Variants in SMNDC1 observed in about 807,000 individuals in gnomAD.
SMNDC1 encodes the protein survival motor neuron domain containing 1.
Under a neutral mutation model 29.2 loss-of-function variants are expected in SMNDC1, and 5 were observed. The ratio of observed to expected loss-of-function variants is 0.17; its 90% CI spans 0.09 to 0.36. The LOEUF (loss-of-function observed/expected upper bound fraction) is 0.36, where lower values mean the gene tolerates loss of function less well. Ranked by LOEUF, SMNDC1 falls within the 10% of genes least tolerant of loss-of-function variation. The pLI is 1.00. For synonymous variants in SMNDC1, 80 were observed against 89.9 expected, an observed-to-expected ratio of 0.89 and a Z score of 0.62; for missense variants, 142 against 268.5, an observed-to-expected ratio of 0.53 and a Z score of 3.29.
chr10:110,294,137 A>T lies in SMNDC1; in HGVS notation c.*13T>A. 1 of 1,563,086 alleles carries T rather than the reference A, an allele frequency of 6.4e-7. No homozygotes were observed. Among genetic ancestry groups the T allele is most frequent in the East Asian group, 2.4e-5 (1 of 41,768 alleles). Reference sequence around the variant, plus strand: ...TAAAGCCCTGCAGAGATGAAATCCAACAGTTTTTCTGATTATTGAGGCATC... The same window carrying T: ...TAAAGCCCTGCAGAGATGAAATCCATCAGTTTTTCTGATTATTGAGGCATC... On this transcript the variant is annotated 3_prime_UTR_variant, in exon 6 of 6. Coordinates refer to ENST00000369603, the MANE Select transcript of SMNDC1 (RefSeq NM_005871.4).
intron 2 of SMNDC1, chr10:110,300,441 A>G (rs1288322368): frequency 2.3e-5 from 12 of 518,708 alleles, no homozygotes; most frequent in Non-Finnish European, 2.2e-5. Context: ...TAACCCTCCC[A>G]ACAAACTATG....
In SMNDC1 at chr10:110,294,039, G is replaced by T. The variant is rs1457297461; in HGVS notation, c.*111C>A. 14 of 816,850 alleles carry T rather than the reference G, an allele frequency of 1.7e-5. No individual in the cohort carries two copies. The East Asian group carries it at 3.9e-4, about 22-fold the overall frequency. The allele number at this position is 816,850 out of a possible 1,614,324, so 50.6% of individuals were successfully genotyped here. A position where few individuals can be genotyped will look rare whatever the true frequency, so the allele number is the denominator to read the frequency against. ...CATTCTACTGAAGCCAACCAATGACGACAATGGTATCTTGCTTACTCATCT... is the reference window on the plus strand; with the variant it reads ...CATTCTACTGAAGCCAACCAATGACTACAATGGTATCTTGCTTACTCATCT... On this transcript the variant is annotated 3_prime_UTR_variant, in exon 6 of 6. Transcript: ENST00000369603.
intron 2 of SMNDC1, 94 bp downstream of exon 2, chr10:110,303,374 G>C (rs996333339): frequency 9.3e-7 from 1 of 1,070,994 alleles, no homozygotes. Flanking sequence ...ACATAGGGTG[G>C]GGTGTAACCC....
At chr10:110,299,664 A>T (rs1257217809) in intron 2 of SMNDC1, among the ~76,000 whole-genome samples, 1 of 152,242 alleles carries the variant, frequency 6.6e-6, no homozygotes, top group Non-Finnish European at 1.5e-5. Flanking sequence ...ATAGCTGTTC[A>T]CCCATTGTTG....
rs1317885998 is a variant in SMNDC1, at chr10:110,291,173, G to A, written c.*2977C>T. On this transcript the variant is annotated 3_prime_UTR_variant, in exon 6 of 6. Coordinates refer to ENST00000369603, the MANE Select transcript of SMNDC1 (RefSeq NM_005871.4). ...CTTTTATAGTTAACAGTTCTCAGACGGGGATGCACATCAGGATCACCTGCG... is the reference window on the plus strand; with the variant it reads ...CTTTTATAGTTAACAGTTCTCAGACAGGGATGCACATCAGGATCACCTGCG... The A allele has an allele frequency of 1.3e-5, 2 of 152,116 alleles. No individual in the cohort carries two copies. The highest frequency in any genetic ancestry group is 6.5e-5 in the Admixed American group (1 of 15,280). 9.4% of individuals were successfully genotyped at this position (152,116 alleles called of 1,614,324 possible). A position where few individuals can be genotyped will look rare whatever the true frequency, so the allele number is the denominator to read the frequency against.
intron 2 of SMNDC1, among the ~76,000 whole-genome samples, chr10:110,299,529 T>C (rs1857615554): frequency 1.3e-5 from 2 of 152,208 alleles, no homozygotes; most frequent in South Asian, 2.1e-4. Context: ...CATTCAAAGA[T>C]GTTTGGTGTA....
chr10:110,304,725 C>G (rs972216336), intron 1 of SMNDC1, 23 bp downstream of exon 1: 2 of 152,354 alleles, frequency 1.3e-5, no homozygotes, highest in African/African-American at 2.4e-5. Context: ...AGGCCTTACT[C>G]TCTCCCTCAG....
chr10:110,293,229 TAAC>T lies in SMNDC1; in HGVS notation c.*918_*920del, dbSNP rs1857519512. 6.6e-6 allele frequency: 1 copy of T among 152,550 alleles called. No homozygotes were observed. The highest frequency in any genetic ancestry group is 1.5e-5 in the Non-Finnish European group (1 of 68,018). The allele number at this position is 152,550 out of a possible 1,614,324, so 9.4% of individuals were successfully genotyped here. On this transcript the variant is annotated 3_prime_UTR_variant, in exon 6 of 6. Coordinates refer to ENST00000369603, the MANE Select transcript of SMNDC1 (RefSeq NM_005871.4). ...ACAAATGCAGACAACCTGATCTAAT[TAAC>T]AAAAATTACAAACAGCTAAATGAAC...
At chr10:110,298,844 C>G (rs1019215016) in intron 2 of SMNDC1, 54 bp from the exon 3 acceptor site, 6 of 1,432,572 alleles carry the variant, frequency 4.2e-6, no homozygotes, top group Middle Eastern at 1.9e-4. Flanking sequence ...TCATTGTCAA[C>G]TTAGTTTCTG....
chr10:110,294,064 T>C lies in SMNDC1; in HGVS notation c.*86A>G, dbSNP rs1247321228. 2.7e-6 allele frequency: 3 copies of C among 1,116,946 alleles called. No homozygotes were observed. The highest frequency in any genetic ancestry group is 3.7e-6 in the Non-Finnish European group (3 of 817,796). The allele number at this position is 1,116,946 out of a possible 1,614,324, so 69.2% of individuals were successfully genotyped here. ...GACAATGGTATCTTGCTTACTCATC[T>C]AACAAATAATTTACCTTTAGAAAAA... On this transcript the variant is annotated 3_prime_UTR_variant, in exon 6 of 6. Coordinates refer to ENST00000369603, the MANE Select transcript of SMNDC1 (RefSeq NM_005871.4).
At chr10:110,303,656 CCT>C (rs1857692448) in intron 1 of SMNDC1, 69 bp from the exon 2 acceptor site, 6 of 1,482,506 alleles carry the variant, frequency 4.0e-6, no homozygotes, top group Non-Finnish European at 5.4e-6. Flanking sequence ...AACTAACTCC[CCT>C]GTCTGCCTGA....
At chr10:110,304,286 G>A (rs1244721643) in intron 1 of SMNDC1, 1 of 152,166 alleles carries the variant, frequency 6.6e-6, no homozygotes, top group Non-Finnish European at 1.5e-5. Context: ...CGTTTCCGAG[G>A]ACCCTTCTCC....
rs879022803 is a variant in SMNDC1 at position 110,303,572 on chromosome 10, C to T, written c.16G>A (p.Ala6Thr). The T allele has an allele frequency of 3.8e-6, 6 of 1,583,782 alleles. No homozygotes were observed. The Middle Eastern group carries it at 5.0e-4, about 132-fold the overall frequency. The change falls in exon 2 of 6, where the codon GCA (alanine) becomes ACA (threonine). Residue 6 changes from alanine (A) to threonine (T), a missense_variant. Coordinates refer to ENST00000369603, the MANE Select transcript of SMNDC1 (RefSeq NM_005871.4). The stretch of plus-strand genomic sequence containing the variant: ...GCTTTGTAGCTTGCCAGCTGCTTTG[C>T]TAAATCCTCTGACATCTAGGGAAAA... MSEDLAKQLASYKAQL... is the reference protein window; with the variant it reads MSEDLTKQLASYKAQL...
rs766214375 is a variant in SMNDC1 at position 110,303,522 on chromosome 10, T to C, written c.66A>G (p.Ala22=). The C allele has an allele frequency of 2.5e-6, 4 of 1,584,254 alleles. No homozygotes were observed. The Admixed American group carries it at 5.6e-5, about 22-fold the overall frequency. ...YKAQLQQVEA[A]LSGNGENEDL... ...CTTCATTTTCTCCATTTCCAGATAATGCAGCTTCAACTTGCTGGAGCTGAG... is the reference window on the plus strand; with the variant it reads ...CTTCATTTTCTCCATTTCCAGATAACGCAGCTTCAACTTGCTGGAGCTGAG... The change falls in exon 2 of 6, where the codon GCA becomes GCG. Residue 22 remains alanine, a synonymous_variant. Coordinates refer to ENST00000369603, the MANE Select transcript of SMNDC1 (RefSeq NM_005871.4).
chr10:110,299,272 T>C (rs1358355343), intron 2 of SMNDC1, among the ~76,000 whole-genome samples: 2 of 152,220 alleles, frequency 1.3e-5, no homozygotes, highest in African/African-American at 2.4e-5. Context: ...TTCCTACTTA[T>C]ACATATCTCG....
chr10:110,293,232 C>CA lies in SMNDC1; in HGVS notation c.*917dup. ...AATGCAGACAACCTGATCTAATTAACAAAAATTACAAACAGCTAAATGAAC... is the reference window on the plus strand; with the variant it reads ...AATGCAGACAACCTGATCTAATTAACAAAAAATTACAAACAGCTAAATGAAC... On this transcript the variant is annotated 3_prime_UTR_variant, in exon 6 of 6. Coordinates refer to ENST00000369603, the MANE Select transcript of SMNDC1 (RefSeq NM_005871.4). 1 of 152,592 alleles carries CA rather than the reference C, an allele frequency of 6.6e-6. No individual in the cohort carries two copies. The highest frequency in any genetic ancestry group is 1.9e-4 in the East Asian group (1 of 5,184). 9.5% of individuals were successfully genotyped at this position (152,592 alleles called of 1,614,324 possible).
chr10:110,300,851 G>C (rs1397654849), intron 2 of SMNDC1: 1 of 308,604 alleles, frequency 3.2e-6, no homozygotes, highest in African/African-American at 2.3e-5. Context: ...CGGGGAGCTA[G>C]TCAGCTAGCT....
intron 2 of SMNDC1, among the ~76,000 whole-genome samples, chr10:110,299,857 A>T (rs1857618845): frequency 6.6e-6 from 1 of 152,200 alleles, no homozygotes; most frequent in Non-Finnish European, 1.5e-5. Flanking sequence ...GAAAAAACTA[A>T]TATTTGAGTC....
At position 110,294,184 on chromosome 10, in the gene SMNDC1, G is replaced by A; in HGVS notation, c.683C>T (p.Ser228Phe). ...DKPMTQYQDT[S>F]KYNVRHLMPQ is the part of the protein sequence containing the mutation. ...CATCAAATGCCTGACATTGTATTTA[G>A]AGGTATCTTGATATTGTGTCATAGG... Residue 228 changes from serine (S) to phenylalanine (F), a missense_variant, in exon 6 of 6, where the codon TCT (serine) becomes TTT (phenylalanine). By Grantham distance (155) the Ser-to-Phe change is radical (BLOSUM62 -2). Around this residue, in one of 4 missense-constraint regions of SMNDC1, gnomAD observed 54 missense variants for 152.1 expected, o/e 0.36. Coordinates refer to ENST00000369603, the MANE Select transcript of SMNDC1 (RefSeq NM_005871.4). 2 of 1,601,268 alleles carry A rather than the reference G, an allele frequency of 1.2e-6. No individual in the cohort carries two copies. Among genetic ancestry groups the A allele is most frequent in the Non-Finnish European group, 1.7e-6 (2 of 1,175,062 alleles).
Sources: gnomAD v4.1 joint callset for allele counts (sites outside exome capture counted in the v4.1 genomes callset) on GRCh38, gnomAD v4.1.1 for gene constraint, gnomAD v4.1.1 regional missense constraint, MANE v1.5 for transcripts, NCBI Gene and HGNC (gene_info 2026-07-23, HGNC 2026-07-21) for gene names.